Variants in FGGY observed in about 807,000 individuals in gnomAD.
FGGY encodes FGGY carbohydrate kinase domain-containing protein.
FGGY carries 72 observed loss-of-function variants against 71.3 expected under a neutral mutation model. That is an observed-to-expected ratio of 1.01 (90% CI 0.84 to 1.23). The LOEUF (loss-of-function observed/expected upper bound fraction) is 1.23, where lower values mean the gene tolerates loss of function less well. Ranked by LOEUF, FGGY falls within the 50% of genes most tolerant of loss-of-function variation. The pLI is 0.00. For missense variants in FGGY, 668 were observed against 682.3 expected (o/e 0.98, Z 0.23); for synonymous variants, 251 against 250.3 (o/e 1.00, Z -0.02).
chr1:59,370,695 A>G (rs1389126355), intron 4 of FGGY, among the ~76,000 whole-genome samples: 1 of 151,866 alleles, frequency 6.6e-6, no homozygotes, highest in Non-Finnish European at 1.5e-5. Context: ...CCATCAGACT[A>G]ACAGCGGATC....
chr1:59,729,112 G>A (rs2097990067), intron 14 of FGGY, among the ~76,000 whole-genome samples: 1 of 151,914 alleles, frequency 6.6e-6, no homozygotes. Context: ...TTTAACTGAT[G>A]TATCTTCAAA....
intron 7 of FGGY, among the ~76,000 whole-genome samples, chr1:59,544,623 T>C (rs2095494248): frequency 6.6e-6 from 1 of 152,218 alleles, no homozygotes; most frequent in Non-Finnish European, 1.5e-5. Flanking sequence ...TAGCATGTCC[T>C]GAACCCCATC....
At chr1:59,329,350 TAAAA>T (rs2048016106) in intron 2 of FGGY, among the ~76,000 whole-genome samples, 2 of 152,344 alleles carry the variant, frequency 1.3e-5, no homozygotes, top group African/African-American at 4.8e-5. Flanking sequence ...ACTTTATTGC[TAAAA>T]ATGCTAATGA....
intron 11 of FGGY, among the ~76,000 whole-genome samples, chr1:59,655,426 C>T (rs745810924): frequency 1.5e-4 from 23 of 151,962 alleles, no homozygotes; most frequent in Non-Finnish European, 2.9e-4. Context: ...TCTCCCTCCC[C>T]TCCACCCCAC....
chr1:59,566,066 A>AT (rs71905165), intron 8 of FGGY, among the ~76,000 whole-genome samples: 52 of 149,626 alleles, frequency 3.5e-4, no homozygotes, highest in Middle Eastern at 3.4e-3. Flanking sequence ...AACCACATTG[A>AT]TTTTTTTTTT....
chr1:59,597,915 G>A lies in FGGY; in HGVS notation c.904-9888G>A, dbSNP rs553093983. On this transcript the variant is annotated intron_variant, in intron 8 of 15. Transcript: ENST00000303721. ...ATGCTCACTCCTGGAGGATTTGACA[G>A]AAATAGAAGATATGGTTCTGACTCA... 2.6e-5 allele frequency among the ~76,000 whole-genome samples: 4 copies of A among 152,340 alleles called. No homozygotes were observed. The South Asian group carries it at 8.3e-4, about 32-fold the overall frequency.
intron 2 of FGGY, among the ~76,000 whole-genome samples, chr1:59,324,860 T>C (rs1557548244): frequency 6.6e-6 from 1 of 152,192 alleles, no homozygotes. Flanking sequence ...TGCCTTTACC[T>C]GGTTGCCTGC....
rs151295522 is a variant in FGGY, at chr1:59,709,533, G to A, written c.1512+35400G>A. On this transcript the variant is annotated intron_variant, in intron 14 of 15. Transcript: ENST00000303721. ...AGTGCTTTCCAAACTATGAAATGCC[G>A]CCCACAGGTGGACAATTAGCCACCC... 6.6e-4 allele frequency among the ~76,000 whole-genome samples: 100 copies of A among 151,182 alleles called. 1 individual carries two copies. In the East Asian group the frequency reaches 0.012, roughly 18 times the overall value.
intron 4 of FGGY, among the ~76,000 whole-genome samples, chr1:59,358,496 C>T (rs940454291): frequency 6.6e-6 from 1 of 151,720 alleles, no homozygotes; most frequent in African/African-American, 2.4e-5. Flanking sequence ...CGCCCTGCCA[C>T]CCCCCCGCCA....
At chr1:59,374,477 A>C (rs1273399792) in intron 4 of FGGY, among the ~76,000 whole-genome samples, 3 of 152,210 alleles carry the variant, frequency 2.0e-5, no homozygotes, top group Non-Finnish European at 2.9e-5. Context: ...TAGTTGAACC[A>C]TTGTGGAAGT....
intron 5 of FGGY, among the ~76,000 whole-genome samples, chr1:59,439,747 T>G (rs2153475183): frequency 6.6e-6 from 1 of 152,308 alleles, no homozygotes; most frequent in East Asian, 1.9e-4. Context: ...TTATTCCATA[T>G]CCTTCTCTTC....
At chr1:59,741,144 T>C (rs1011215896) in intron 14 of FGGY, among the ~76,000 whole-genome samples, 5 of 152,144 alleles carry the variant, frequency 3.3e-5, no homozygotes, top group African/African-American at 1.2e-4. Flanking sequence ...AAAAATAAAA[T>C]CCCTGGCTGG....
At position 59,638,375 on chromosome 1, in the gene FGGY, G is replaced by T. The variant is rs558818100; in HGVS notation, c.1221G>T (p.Met407Ile). ...SPLADLTLKG[M>I]VTGLKLSQDL... ...TAGCAGATCTGACACTAAAGGGCAT[G>T]GTAAGTAACAGCTAGTCCTTGCACA... The change falls in exon 11 of 16, where the codon ATG becomes ATT. Residue 407 changes from methionine to isoleucine, a missense_variant and splice_region_variant. By Grantham distance (10) the Met-to-Ile change is conservative. This residue lies in a region of FGGY where 661 missense variants were observed against 661.6 expected (regional missense o/e 1.00). Coordinates refer to ENST00000303721, the MANE Select transcript of FGGY (RefSeq NM_018291.5). 1 of 1,614,142 alleles carries T rather than the reference G, an allele frequency of 6.2e-7. No homozygotes were observed. Among genetic ancestry groups the T allele is most frequent in the African/African-American group, 1.3e-5 (1 of 75,040 alleles).
At chr1:59,460,254 G>A (rs565959362) in intron 6 of FGGY, among the ~76,000 whole-genome samples, 57 of 152,294 alleles carry the variant, frequency 3.7e-4, no homozygotes, top group South Asian at 6.2e-4. Context: ...TATATCCTGC[G>A]CCTGGCTCGG....
At chr1:59,664,940 A>C (rs931004345) in intron 12 of FGGY, among the ~76,000 whole-genome samples, 2 of 99,376 alleles carry the variant, frequency 2.0e-5, no homozygotes, top group Non-Finnish European at 4.2e-5. Flanking sequence ...TTCCCATGGC[A>C]AAAAAAAAAA....
chr1:59,432,746 T>C (rs904959445), intron 5 of FGGY, among the ~76,000 whole-genome samples: 1 of 152,188 alleles, frequency 6.6e-6, no homozygotes, highest in African/African-American at 2.4e-5. Flanking sequence ...GTTTCTCTAG[T>C]AGAAGCTGTA....
intron 14 of FGGY, among the ~76,000 whole-genome samples, chr1:59,733,453 T>A (rs537700897): frequency 3.0e-4 from 36 of 118,912 alleles, no homozygotes; most frequent in Middle Eastern, 4.5e-3. Flanking sequence ...TTTGTTTTGT[T>A]TTGTTTTGTT....
intron 14 of FGGY, among the ~76,000 whole-genome samples, chr1:59,687,637 T>TC (rs1373559919): frequency 1.3e-5 from 2 of 151,702 alleles, no homozygotes; most frequent in Non-Finnish European, 2.9e-5. Flanking sequence ...TGGCTATTTT[T>TC]TTTTTTTTTT....
At chr1:59,663,320 T>A (rs187679247) in intron 12 of FGGY, among the ~76,000 whole-genome samples, 84 of 152,370 alleles carry the variant, frequency 5.5e-4, no homozygotes, top group Admixed American at 1.2e-3. Context: ...GCATTTTCCT[T>A]TGATCTGTTT....
Sources: allele counts gnomAD v4.1 joint callset (sites outside exome capture counted in the v4.1 genomes callset), GRCh38; gene constraint gnomAD v4.1.1; regional missense constraint gnomAD v4.1.1; transcripts MANE v1.5; gene names NCBI Gene and HGNC (gene_info 2026-07-23, HGNC 2026-07-21).